The following SWT1 variants were observed in gnomAD, a reference collection of about 807,000 sequenced individuals.
The protein encoded by SWT1 is transcriptional protein SWT1.
A neutral mutation model predicts 107.3 loss-of-function variants in SWT1; 33 were observed. That is an observed-to-expected ratio of 0.31 (90% CI 0.23 to 0.41). The LOEUF is 0.41. SWT1 is among the 10% of genes least tolerant of loss of function. The probability of loss-of-function intolerance (pLI) is 1.00; values close to 1 mark genes in which losing one functional copy is unlikely to be tolerated. For missense variants in SWT1, 898 were observed against 1,028.9 expected (o/e 0.87, Z 1.74); for synonymous variants, 345 against 348.3 (o/e 0.99, Z 0.11).
At chr1:185,250,526 C>T (rs921182330) in intron 16 of SWT1, among the ~76,000 whole-genome samples, 73 of 152,154 alleles carry the variant, frequency 4.8e-4, no homozygotes, top group Non-Finnish European at 1.5e-4. Context: ...TCCTCTTCCT[C>T]TCTCTATACT....
At chr1:185,251,842 G>A (rs1228460830) in intron 16 of SWT1, among the ~76,000 whole-genome samples, 1 of 151,410 alleles carries the variant, frequency 6.6e-6, no homozygotes, top group Non-Finnish European at 1.5e-5. Context: ...TGTGCACATT[G>A]TGCAGGTTAG....
intron 9 of SWT1, among the ~76,000 whole-genome samples, chr1:185,189,282 C>G (rs1312189553): frequency 1.3e-5 from 2 of 152,084 alleles, no homozygotes; most frequent in African/African-American, 2.4e-5. Flanking sequence ...ACCCACCTGG[C>G]CTGCATTAAT....
chr1:185,254,572 T>C (rs1325098937), intron 16 of SWT1, among the ~76,000 whole-genome samples: 51 of 149,488 alleles, frequency 3.4e-4, no homozygotes, highest in Admixed American at 1.5e-3. Flanking sequence ...TGCGTAGAGG[T>C]GTTTGTAGTA....
chr1:185,196,431 C>T (rs1462210070), intron 10 of SWT1, among the ~76,000 whole-genome samples: 1 of 152,138 alleles, frequency 6.6e-6, no homozygotes, highest in Non-Finnish European at 1.5e-5. Flanking sequence ...ATGCCTCCAG[C>T]TTTGTTCTCT....
chr1:185,268,943 C>T (rs1245628922), intron 16 of SWT1, among the ~76,000 whole-genome samples: 1 of 150,904 alleles, frequency 6.6e-6, no homozygotes, highest in Admixed American at 6.6e-5. Flanking sequence ...AGCTCCGCCT[C>T]CCGGGTTCAC....
At chr1:185,194,087 A>G (rs995109830) in intron 10 of SWT1, among the ~76,000 whole-genome samples, 2 of 152,188 alleles carry the variant, frequency 1.3e-5, no homozygotes, top group East Asian at 3.9e-4. Flanking sequence ...TTCTTTGTCT[A>G]GTATGAATGC....
chr1:185,287,787 C>T (rs1278803204), intron 18 of SWT1, among the ~76,000 whole-genome samples: 1 of 152,168 alleles, frequency 6.6e-6, no homozygotes, highest in Admixed American at 6.5e-5. Flanking sequence ...CTATGAAAAA[C>T]AGCCAATACT....
intron 4 of SWT1, among the ~76,000 whole-genome samples, chr1:185,168,750 A>G (rs572107906): frequency 6.6e-6 from 1 of 152,322 alleles, no homozygotes; most frequent in Admixed American, 6.5e-5. Context: ...ATTTTCATAT[A>G]TTACCCGTGA....
intron 9 of SWT1, among the ~76,000 whole-genome samples, chr1:185,188,855 T>TG (rs1358115644): frequency 2.0e-5 from 3 of 152,232 alleles, no homozygotes; most frequent in African/African-American, 7.2e-5. Flanking sequence ...GAAATATATT[T>TG]GGGGTATGGT....
chr1:185,221,328 G>A (rs1226377714), intron 14 of SWT1, among the ~76,000 whole-genome samples: 3 of 151,886 alleles, frequency 2.0e-5, no homozygotes, highest in East Asian at 1.9e-4. Context: ...TCTTGCCTCC[G>A]CTTTCTTCTG....
intron 15 of SWT1, 40 bp from the exon 16 acceptor site, chr1:185,231,537 G>T: frequency 2.8e-6 from 4 of 1,441,402 alleles, no homozygotes; most frequent in Non-Finnish European, 3.8e-6. Context: ...CATTAAATAT[G>T]TATGTATACC....
intron 16 of SWT1, among the ~76,000 whole-genome samples, chr1:185,244,872 G>A (rs780812704): frequency 1.3e-5 from 2 of 152,068 alleles, no homozygotes; most frequent in African/African-American, 4.8e-5. Context: ...CTTGAAGCCC[G>A]GAGTTCGAGA....
chr1:185,221,920 G>A lies in SWT1; in HGVS notation c.2193G>A (p.Lys731=). ...VTKKQEGTSL[K]NSHNQEITVF... ...AAAAGCAGGAAGGTACTTCATTGAAGAATTCTCATAATCAAGAAATCACTG... is the reference window on the plus strand; with the variant it reads ...AAAAGCAGGAAGGTACTTCATTGAAAAATTCTCATAATCAAGAAATCACTG... Residue 731 remains lysine, a synonymous_variant, in exon 15 of 19, where the codon AAG becomes AAA. Coordinates refer to ENST00000367500, the MANE Select transcript of SWT1 (RefSeq NM_017673.7). 1 of 1,612,036 alleles carries A rather than the reference G, an allele frequency of 6.2e-7. No homozygotes were observed. The highest frequency in any genetic ancestry group is 8.5e-7 in the Non-Finnish European group (1 of 1,179,230).
At chr1:185,209,468 TGTG>T (rs1479306456) in intron 13 of SWT1, among the ~76,000 whole-genome samples, 1 of 152,118 alleles carries the variant, frequency 6.6e-6, no homozygotes, top group Non-Finnish European at 1.5e-5. Context: ...AGTGAGAACA[TGTG>T]GTGTTTGGTT....
At chr1:185,161,402 C>T (rs1440488484) in intron 2 of SWT1, among the ~76,000 whole-genome samples, 2 of 152,120 alleles carry the variant, frequency 1.3e-5, no homozygotes, top group Admixed American at 6.5e-5. Context: ...CTCTCAGACA[C>T]TACCTTAAGA....
chr1:185,269,367 G>GTTTTTTT (rs1191849201), intron 16 of SWT1, among the ~76,000 whole-genome samples: 1 of 132,498 alleles, frequency 7.5e-6, no homozygotes, highest in African/African-American at 3.1e-5. Context: ...GGGTTAAGAG[G>GTTTTTTT]TTTTTGTTTT....
intron 10 of SWT1, among the ~76,000 whole-genome samples, chr1:185,192,475 G>T (rs1230358355): frequency 6.6e-6 from 1 of 152,010 alleles, no homozygotes; most frequent in African/African-American, 2.4e-5. Flanking sequence ...TTAGAAACAG[G>T]GTCTGGCTAT....
At chr1:185,278,843 A>C (rs1664428995) in intron 18 of SWT1, among the ~76,000 whole-genome samples, 1 of 152,234 alleles carries the variant, frequency 6.6e-6, no homozygotes, top group Non-Finnish European at 1.5e-5. Context: ...CATTTGCTAT[A>C]TATAACTTAC....
At chr1:185,236,900 T>G (rs993733106) in intron 16 of SWT1, among the ~76,000 whole-genome samples, 14 of 151,888 alleles carry the variant, frequency 9.2e-5, no homozygotes, top group African/African-American at 4.8e-5. Flanking sequence ...AGTGGGCAAA[T>G]GATATGAACA....
Sources: allele counts gnomAD v4.1 joint callset (sites outside exome capture counted in the v4.1 genomes callset), GRCh38; gene constraint gnomAD v4.1.1; transcripts MANE v1.5; gene names NCBI Gene and HGNC (gene_info 2026-07-23, HGNC 2026-07-21).